RYR3: variants seen among roughly 807,000 people sequenced by gnomAD.
The protein encoded by RYR3 is brain ryanodine receptor-calcium release channel.
RYR3 carries 207 observed loss-of-function variants against 584.3 expected under a neutral mutation model. The observed-to-expected ratio is 0.35, with a 90% CI of 0.32 to 0.40. RYR3 has a LOEUF of 0.40. Among genes scored for constraint, RYR3 ranks in the 10% least tolerant of loss-of-function variants. The probability of loss-of-function intolerance (pLI) is 1.00; values close to 1 mark genes in which losing one functional copy is unlikely to be tolerated. For missense variants in RYR3, 5,616 were observed against 6,089.2 expected, an observed-to-expected ratio of 0.92 and a Z score of 2.59; for synonymous variants, 2,416 against 2,248.5, an observed-to-expected ratio of 1.07 and a Z score of -2.11.
chr15:33,656,826 G>T (rs1034839232), intron 32 of RYR3, among the ~76,000 whole-genome samples: 2 of 152,242 alleles, frequency 1.3e-5, no homozygotes, highest in Admixed American at 6.5e-5. Context: ...GCCAACAAGG[G>T]CACGTCCAGT....
At chr15:33,764,977 G>T (rs1424705759) in intron 60 of RYR3, among the ~76,000 whole-genome samples, 2 of 129,638 alleles carry the variant, frequency 1.5e-5, no homozygotes, top group African/African-American at 6.0e-5. Flanking sequence ...GTTGCAGCGA[G>T]CCAAGATCAT....
At chr15:33,843,214 G>A (rs188950005) in intron 91 of RYR3, among the ~76,000 whole-genome samples, 2 of 152,250 alleles carry the variant, frequency 1.3e-5, no homozygotes, top group African/African-American at 4.8e-5. Flanking sequence ...CAGCTACTCG[G>A]GAGGCTGAGA....
intron 53 of RYR3, 109 bp downstream of exon 53, chr15:33,746,266 T>C: frequency 1.3e-6 from 1 of 795,994 alleles, no homozygotes; most frequent in South Asian, 1.5e-5. Context: ...TACAACATCA[T>C]CATCTAGGAC....
chr15:33,675,068 C>T (rs2064087929), intron 38 of RYR3, among the ~76,000 whole-genome samples: 1 of 152,218 alleles, frequency 6.6e-6, no homozygotes, highest in Admixed American at 6.5e-5. Context: ...GCAGTCCGGC[C>T]TGGGTGACAG....
At chr15:33,657,382 A>C (rs1056385305) in intron 32 of RYR3, among the ~76,000 whole-genome samples, 2 of 152,178 alleles carry the variant, frequency 1.3e-5, no homozygotes, top group Non-Finnish European at 2.9e-5. Flanking sequence ...TCTCCCTGTT[A>C]GCAGAAACGC....
chr15:33,464,480 A>ATATATATATG (rs2048304743), intron 1 of RYR3, among the ~76,000 whole-genome samples: 1 of 88,970 alleles, frequency 1.1e-5, no homozygotes, highest in Admixed American at 1.1e-4. Context: ...ATATATATAT[A>ATATATATATG]TATATATATA....
intron 60 of RYR3, among the ~76,000 whole-genome samples, chr15:33,760,546 A>G (rs1289785170): frequency 6.6e-6 from 1 of 152,250 alleles, no homozygotes; most frequent in African/African-American, 2.4e-5. Context: ...TTCAACAAGA[A>G]GAGCTAACTA....
At chr15:33,528,359 C>T (rs1224181475) in intron 3 of RYR3, among the ~76,000 whole-genome samples, 2 of 152,172 alleles carry the variant, frequency 1.3e-5, no homozygotes, top group African/African-American at 4.8e-5. Flanking sequence ...GTGCTTTATT[C>T]TTTCCACTTC....
rs377531491 is a variant in RYR3 at position 33,530,572 on chromosome 15, A to G, written c.280-20A>G. The G allele has an allele frequency of 1.3e-6, 2 of 1,592,564 alleles. No homozygotes were observed. Among genetic ancestry groups the G allele is most frequent in the Admixed American group, 1.7e-5 (1 of 59,952 alleles). ...GCCACAACGGGCATGTGCTGACCTTATTCTTCCTCATTCCCACAGGCAGCA... is the reference window on the plus strand; with the variant it reads ...GCCACAACGGGCATGTGCTGACCTTGTTCTTCCTCATTCCCACAGGCAGCA... On this transcript the variant is annotated intron_variant, in intron 3 of 103. Transcript: ENST00000634891.
rs144439462 is a variant in RYR3, at chr15:33,540,542, G to A, written c.547-249G>A. Reference sequence around the variant, plus strand: ...CATTTTATGAGTTGGTGTTGAATCAGCTCCAGCTGAGGGGATGAAGTCAAC... The same window carrying A: ...CATTTTATGAGTTGGTGTTGAATCAACTCCAGCTGAGGGGATGAAGTCAAC... On this transcript the variant is annotated intron_variant, in intron 6 of 103. Coordinates refer to ENST00000634891, the MANE Select transcript of RYR3 (RefSeq NM_001036.6). Among the ~76,000 whole-genome samples the A allele has an allele frequency of 2.4e-3, 358 of 152,296 alleles. 2 individuals are homozygous for A. The highest frequency in any genetic ancestry group is 0.013 in the South Asian group (63 of 4,832).
chr15:33,610,526 G>A (rs1333080624), intron 18 of RYR3, among the ~76,000 whole-genome samples: 1 of 152,176 alleles, frequency 6.6e-6, no homozygotes, highest in African/African-American at 2.4e-5. Flanking sequence ...GAGTGGGAGG[G>A]AATGCAATAT....
chr15:33,496,851 A>G (rs1406593533), intron 2 of RYR3, among the ~76,000 whole-genome samples: 1 of 152,170 alleles, frequency 6.6e-6, no homozygotes, highest in African/African-American at 2.4e-5. Context: ...CTCTCAATTT[A>G]GCATTGAATT....
intron 8 of RYR3, among the ~76,000 whole-genome samples, chr15:33,545,236 C>T (rs1346527912): frequency 1.3e-5 from 2 of 152,050 alleles, no homozygotes; most frequent in Non-Finnish European, 1.5e-5. Flanking sequence ...AAAATTAGAG[C>T]CAAATTAGAA....
chr15:33,393,342 T>C (rs2042113978), intron 1 of RYR3, among the ~76,000 whole-genome samples: 4 of 152,196 alleles, frequency 2.6e-5, no homozygotes, highest in Admixed American at 2.0e-4. Flanking sequence ...TTTCCATACC[T>C]ATTGACCCTC....
In RYR3 at chr15:33,837,925, G is replaced by A. The variant is rs374921732; in HGVS notation, c.11945G>A (p.Arg3982Gln). 5.1e-5 allele frequency: 83 copies of A among 1,613,844 alleles called. No individual in the cohort carries two copies. The highest frequency in any genetic ancestry group is 4.9e-4 in the Middle Eastern group (3 of 6,084). The change falls in exon 89 of 104, where the codon CGG (arginine) becomes CAG (glutamine). Residue 3982 changes from arginine (R) to glutamine (Q), a missense_variant. Transcript: ENST00000634891. ...TTTAATTACGTTGATTTTGTAGACC[G>A]GTTCCATGAGCCAGCCAAGGACATA... ...DMFNYVDFVD[R>Q]FHEPAKDIGF...
At chr15:33,647,338 C>A in intron 29 of RYR3, 86 bp from the exon 30 acceptor site, 1 of 1,043,662 alleles carries the variant, frequency 9.6e-7, no homozygotes, top group South Asian at 1.4e-5. Context: ...TTGACTTGAT[C>A]ATTGAAGGTA....
chr15:33,807,690 C>A, intron 70 of RYR3, 121 bp downstream of exon 70: 2 of 957,530 alleles, frequency 2.1e-6, no homozygotes, highest in Non-Finnish European at 3.3e-6. Flanking sequence ...GCCTGGAGGT[C>A]CCCCAGGCCT....
Position 33,657,354 on chromosome 15 carries a change from C to T in RYR3, c.4309-2366C>T, listed in dbSNP as rs117953976. Among the ~76,000 whole-genome samples the T allele has an allele frequency of 5.0e-4, 76 of 152,288 alleles. 1 individual carries two copies. The highest frequency in any genetic ancestry group is 2.9e-3 in the Admixed American group (45 of 15,298). ...TATGGCTCCCTATACTGGTGTGATT[C>T]GACTGAATGCATTTCTCTCTCCCTG... On this transcript the variant is annotated intron_variant, in intron 32 of 103. Coordinates refer to ENST00000634891, the MANE Select transcript of RYR3 (RefSeq NM_001036.6).
chr15:33,544,988 A>G (rs891950105), intron 8 of RYR3, among the ~76,000 whole-genome samples: 12 of 152,120 alleles, frequency 7.9e-5, no homozygotes, highest in African/African-American at 2.7e-4. Context: ...AAACTATACA[A>G]TAGCCCATTT....
Sources: allele counts gnomAD v4.1 joint callset (sites outside exome capture counted in the v4.1 genomes callset), GRCh38; gene constraint gnomAD v4.1.1; transcripts MANE v1.5; gene names NCBI Gene and HGNC (gene_info 2026-07-23, HGNC 2026-07-21).